Variants in ACAD11 observed in about 807,000 individuals in gnomAD.
The protein encoded by ACAD11 is acyl-Coenzyme A dehydrogenase family, member 11.
Under a neutral mutation model 102.2 loss-of-function variants are expected in ACAD11, and 83 were observed. The observed-to-expected ratio is 0.81, with a 90% CI of 0.68 to 0.97. ACAD11 has a LOEUF of 0.97. Ranked by LOEUF, ACAD11 falls within the 50% of genes least tolerant of loss-of-function variation. ACAD11 has a pLI of 0.00. For synonymous variants in ACAD11, 324 were observed against 319.8 expected (o/e 1.01, Z -0.14); for missense variants, 901 against 951.7 (o/e 0.95, Z 0.70).
chr3:132,634,030 T>C (rs1173464027), intron 5 of ACAD11, among the ~76,000 whole-genome samples: 3 of 152,046 alleles, frequency 2.0e-5, no homozygotes, highest in Admixed American at 6.5e-5. Flanking sequence ...CCAAAAGCAA[T>C]GGCAACAAAA....
chr3:132,610,053 A>C (rs1939056431), intron 11 of ACAD11, among the ~76,000 whole-genome samples: 1 of 152,216 alleles, frequency 6.6e-6, no homozygotes, highest in African/African-American at 2.4e-5. Flanking sequence ...ATAGATGCAG[A>C]AAAGGCCTCT....
At chr3:132,562,601 T>G (rs889120487) in intron 17 of ACAD11, among the ~76,000 whole-genome samples, 1 of 152,208 alleles carries the variant, frequency 6.6e-6, no homozygotes, top group African/African-American at 2.4e-5. Flanking sequence ...CCATCAGCAC[T>G]TAGTATCATA....
chr3:132,646,199 C>A (rs1940711901), intron 1 of ACAD11, among the ~76,000 whole-genome samples: 1 of 152,090 alleles, frequency 6.6e-6, no homozygotes, highest in Non-Finnish European at 1.5e-5. Flanking sequence ...CTCTTGACCT[C>A]GTGATCCGCC....
intron 13 of ACAD11, among the ~76,000 whole-genome samples, chr3:132,583,110 G>A (rs1048269996): frequency 6.6e-6 from 1 of 152,140 alleles, no homozygotes; most frequent in Non-Finnish European, 1.5e-5. Flanking sequence ...GATTGGAATA[G>A]TTTCAGGAGG....
intron 1 of ACAD11, among the ~76,000 whole-genome samples, chr3:132,655,822 AC>A (rs1247524415): frequency 1.3e-5 from 2 of 152,250 alleles, no homozygotes; most frequent in Non-Finnish European, 2.9e-5. Flanking sequence ...GCTGCAAATC[AC>A]AAGTTTTGTT....
intron 13 of ACAD11, among the ~76,000 whole-genome samples, chr3:132,586,230 C>G (rs1937816042): frequency 6.6e-6 from 1 of 152,100 alleles, no homozygotes. Flanking sequence ...TTTCAGCAAA[C>G]TATCGCAAGG....
intron 17 of ACAD11, among the ~76,000 whole-genome samples, chr3:132,562,567 T>C (rs755838600): frequency 6.6e-6 from 1 of 152,226 alleles, no homozygotes; most frequent in Admixed American, 6.5e-5. Context: ...TAGCAGTGTA[T>C]GAGAGTTCCA....
rs755568917 is a variant in ACAD11, at chr3:132,568,801, C to CAAAAAAAAAAAAAAAA, written c.2001+6955_2001+6970dup. On this transcript the variant is annotated intron_variant, in intron 17 of 19. Transcript: ENST00000264990. ...GCTGAAGCAATTGGACATCCACAGG[C>CAAAAAAAAAAAAAAAA]AAAAAAAAAAAAAAAAAAAAAAAAA... Among the ~76,000 whole-genome samples, 63 of 68,676 alleles carry CAAAAAAAAAAAAAAAA rather than the reference C, an allele frequency of 9.2e-4. 4 individuals carry two copies. Among genetic ancestry groups the CAAAAAAAAAAAAAAAA allele is most frequent in the East Asian group, 2.5e-3 (8 of 3,196 alleles). The allele number at this position is 68,676 out of a possible 152,430, so 45.1% of individuals were successfully genotyped here.
At chr3:132,562,514 A>G (rs1046002388) in intron 17 of ACAD11, among the ~76,000 whole-genome samples, 1 of 152,232 alleles carries the variant, frequency 6.6e-6, no homozygotes, top group Non-Finnish European at 1.5e-5. Context: ...TTTATTAAGA[A>G]GCTGACAGTT....
chr3:132,632,250 A>AT (rs1244908675), intron 5 of ACAD11, among the ~76,000 whole-genome samples: 1 of 151,632 alleles, frequency 6.6e-6, no homozygotes, highest in African/African-American at 2.4e-5. Flanking sequence ...CGCCCGGCTA[A>AT]TTTTTTTTGT....
At chr3:132,640,378 G>A (rs559482467) in intron 4 of ACAD11, among the ~76,000 whole-genome samples, 5 of 152,036 alleles carry the variant, frequency 3.3e-5, no homozygotes, top group Admixed American at 6.5e-5. Context: ...TTCAGCCACC[G>A]CGCCCAGCCT....
intron 13 of ACAD11, among the ~76,000 whole-genome samples, chr3:132,583,512 AC>A (rs1196466671): frequency 3.9e-5 from 6 of 152,232 alleles, no homozygotes; most frequent in African/African-American, 1.4e-4. Flanking sequence ...TCCTGGATTC[AC>A]TGATTTTTTG....
At chr3:132,602,652 C>A (rs1414883440) in intron 13 of ACAD11, among the ~76,000 whole-genome samples, 1 of 152,068 alleles carries the variant, frequency 6.6e-6, no homozygotes, top group Admixed American at 6.6e-5. Context: ...AAATAGTATG[C>A]ACTAATGAAT....
At chr3:132,636,627 C>T (rs966468422) in intron 5 of ACAD11, among the ~76,000 whole-genome samples, 1 of 151,934 alleles carries the variant, frequency 6.6e-6, no homozygotes, top group African/African-American at 2.4e-5. Context: ...AATTTTATAG[C>T]GGGTAAAATA....
chr3:132,604,581 C>T (rs1938756520), intron 12 of ACAD11, among the ~76,000 whole-genome samples: 1 of 152,054 alleles, frequency 6.6e-6, no homozygotes. Flanking sequence ...TTGAAGAGTT[C>T]TTAATGCTTT....
intron 17 of ACAD11, 34 bp from the exon 18 acceptor site, chr3:132,561,251 G>C: frequency 6.6e-7 from 1 of 1,525,628 alleles, no homozygotes; most frequent in South Asian, 1.1e-5. Flanking sequence ...AAAGAAGGAG[G>C]AGCTAAGCTG....
intron 9 of ACAD11, among the ~76,000 whole-genome samples, chr3:132,626,005 C>A (rs1251811250): frequency 1.3e-5 from 2 of 152,202 alleles, no homozygotes; most frequent in African/African-American, 4.8e-5. Flanking sequence ...TGCCCCAACT[C>A]CCTTACATAT....
In ACAD11 at chr3:132,585,562, A is replaced by C. The variant is rs1292292412; in HGVS notation, c.1622-6004T>G. Among the ~76,000 whole-genome samples the C allele has an allele frequency of 5.9e-5, 9 of 152,340 alleles. No homozygotes were observed. In the East Asian group the frequency reaches 7.7e-4, roughly 13 times the overall value. On this transcript the variant is annotated intron_variant, in intron 13 of 19. Coordinates refer to ENST00000264990, the MANE Select transcript of ACAD11 (RefSeq NM_032169.5). ...ATCAGAGTGAACAGGCAACCTACAG[A>C]ATGGGAGAAAATTTTTGCCATCTAC...
At chr3:132,560,995 A>G (rs1042980125) in intron 18 of ACAD11, 106 bp downstream of exon 18, 7 of 821,418 alleles carry the variant, frequency 8.5e-6, no homozygotes, top group Admixed American at 2.1e-5. Flanking sequence ...GGGGCTTCCA[A>G]TATTCTGAGT....
Sources: allele counts gnomAD v4.1 joint callset (sites outside exome capture counted in the v4.1 genomes callset), GRCh38; gene constraint gnomAD v4.1.1; transcripts MANE v1.5; gene names NCBI Gene and HGNC (gene_info 2026-07-23, HGNC 2026-07-21).